Variants in TMEM117 observed in about 807,000 individuals in gnomAD.
The protein encoded by TMEM117 is transmembrane protein 117.
In TMEM117, 27 loss-of-function variants were observed where a neutral mutation model predicts 52.4. The observed-to-expected ratio is 0.51, with a 90% CI of 0.38 to 0.71. TMEM117 has a LOEUF of 0.71. TMEM117 is among the 30% of genes least tolerant of loss of function. TMEM117 has a pLI of 0.00. For synonymous variants in TMEM117, 215 were observed against 206.3 expected (o/e 1.04, Z -0.36); for missense variants, 556 against 630.5 (o/e 0.88, Z 1.26).
intron 5 of TMEM117, among the ~76,000 whole-genome samples, chr12:44,249,933 C>A (rs1950176979): frequency 6.6e-6 from 1 of 152,110 alleles, no homozygotes; most frequent in Non-Finnish European, 1.5e-5. Flanking sequence ...TGGGCATGGG[C>A]AAAGACTTCA....
intron 5 of TMEM117, among the ~76,000 whole-genome samples, chr12:44,297,987 A>C (rs1032562895): frequency 1.2e-4 from 18 of 152,178 alleles, no homozygotes; most frequent in Non-Finnish European, 2.5e-4. Context: ...TCGTGAGTCA[A>C]ATTCTTTTGA....
intron 5 of TMEM117, among the ~76,000 whole-genome samples, chr12:44,216,797 C>A (rs1258906745): frequency 2.0e-5 from 3 of 151,982 alleles, no homozygotes; most frequent in Non-Finnish European, 4.4e-5. Flanking sequence ...GTACTCTGTT[C>A]CATCCTGGAA....
intron 6 of TMEM117, among the ~76,000 whole-genome samples, chr12:44,331,208 T>C (rs1951266310): frequency 6.6e-6 from 1 of 151,774 alleles, no homozygotes; most frequent in African/African-American, 2.4e-5. Context: ...TCTTTTTTTC[T>C]CTTTTTTTTT....
At chr12:43,895,361 G>A (rs1944180995) in intron 2 of TMEM117, among the ~76,000 whole-genome samples, 1 of 152,166 alleles carries the variant, frequency 6.6e-6, no homozygotes, top group South Asian at 2.1e-4. Context: ...GTGTTCTGTG[G>A]TGTATATGTG....
At chr12:44,056,138 C>T (rs920432770) in intron 3 of TMEM117, among the ~76,000 whole-genome samples, 43 of 152,008 alleles carry the variant, frequency 2.8e-4, no homozygotes, top group Non-Finnish European at 4.7e-4. Flanking sequence ...CTTGCTCTGT[C>T]ACCCAGCCTG....
At chr12:43,833,188 T>A (rs1942992344), upstream of TMEM117, among the ~76,000 whole-genome samples, 1 of 152,202 alleles carries the variant, frequency 6.6e-6, no homozygotes, top group Non-Finnish European at 1.5e-5. Flanking sequence ...ATTCTTAAAA[T>A]TATTATTATA....
At chr12:44,140,008 C>T (rs1012801211) in intron 3 of TMEM117, among the ~76,000 whole-genome samples, 1 of 152,094 alleles carries the variant, frequency 6.6e-6, no homozygotes, top group Admixed American at 6.6e-5. Context: ...TTATCCAAAG[C>T]AGCAAAAATA....
rs2933345 is a variant in TMEM117, at chr12:44,103,747, T to C, written c.411-39778T>C. ...ACAAATGTTAAACTTGTATTATTTG[T>C]GGGAAAGTCACATGGCTGAGTCGAT... On this transcript the variant is annotated intron_variant, in intron 3 of 7. Coordinates refer to ENST00000266534, the MANE Select transcript of TMEM117 (RefSeq NM_032256.3). Among the ~76,000 whole-genome samples, 1,135 of 152,160 alleles carry C rather than the reference T, an allele frequency of 7.5e-3. 17 individuals are homozygous for C. Among genetic ancestry groups the C allele is most frequent in the African/African-American group, 0.027 (1,104 of 41,534 alleles).
rs369830601 is a variant in TMEM117, at chr12:44,289,656, G to A, written c.609-9924G>A. Among the ~76,000 whole-genome samples the A allele has an allele frequency of 2.8e-4, 42 of 149,362 alleles. No homozygotes were observed. In the South Asian group the frequency reaches 6.1e-3, roughly 22 times the overall value. On this transcript the variant is annotated intron_variant, in intron 5 of 7. Coordinates refer to ENST00000266534, the MANE Select transcript of TMEM117 (RefSeq NM_032256.3). ...CAACCTCCGCCTCTCAGGTTCAAGC[G>A]ATTCTCCTGCCTCAGCCTCCCGAGT...
Position 44,170,300 on chromosome 12 carries a change from G to T in TMEM117, c.510+26676G>T, listed in dbSNP as rs1240750668. Among the ~76,000 whole-genome samples, 21 of 111,580 alleles carry T rather than the reference G, an allele frequency of 1.9e-4. No individual in the cohort carries two copies. In the South Asian group the frequency reaches 7.5e-3, roughly 40 times the overall value. The allele number at this position is 111,580 out of a possible 152,430, so 73.2% of individuals were successfully genotyped here. Reference sequence around the variant, plus strand: ...CACACACTGGGGCCTGCTGGGGGGTGGGGGGAGGGGGGAGGGATAGCATTA... The same window carrying T: ...CACACACTGGGGCCTGCTGGGGGGTTGGGGGAGGGGGGAGGGATAGCATTA... On this transcript the variant is annotated intron_variant, in intron 4 of 7. Coordinates refer to ENST00000266534, the MANE Select transcript of TMEM117 (RefSeq NM_032256.3).
chr12:44,381,598 A>G (rs1394355407), intron 7 of TMEM117, among the ~76,000 whole-genome samples: 1 of 152,120 alleles, frequency 6.6e-6, no homozygotes, highest in Non-Finnish European at 1.5e-5. Flanking sequence ...AAGAATTCAC[A>G]CTGTTGGCAC....
intron 5 of TMEM117, among the ~76,000 whole-genome samples, chr12:44,265,500 G>A (rs1199189435): frequency 2.6e-5 from 4 of 152,284 alleles, no homozygotes. Flanking sequence ...TGGTTTGGGT[G>A]AGAGAGGGCA....
intron 3 of TMEM117, among the ~76,000 whole-genome samples, chr12:43,985,112 C>T (rs1485996649): frequency 6.6e-6 from 1 of 152,114 alleles, no homozygotes; most frequent in Non-Finnish European, 1.5e-5. Context: ...TCCTACATAT[C>T]TCTACATGCA....
chr12:44,162,771 A>C (rs1381320452), intron 4 of TMEM117, among the ~76,000 whole-genome samples: 1 of 152,228 alleles, frequency 6.6e-6, no homozygotes, highest in East Asian at 1.9e-4. Context: ...ATTTCATAAA[A>C]GTAGACTAAT....
intron 3 of TMEM117, among the ~76,000 whole-genome samples, chr12:44,126,970 A>C (rs1254848091): frequency 6.6e-6 from 1 of 152,246 alleles, no homozygotes; most frequent in Non-Finnish European, 1.5e-5. Context: ...CACAGGTATG[A>C]ACTCATGGAA....
intron 3 of TMEM117, among the ~76,000 whole-genome samples, chr12:43,985,418 G>A (rs1298597231): frequency 2.0e-5 from 3 of 151,976 alleles, no homozygotes; most frequent in African/African-American, 7.3e-5. Flanking sequence ...AAGAAACACT[G>A]AAAAACAAAA....
intron 6 of TMEM117, among the ~76,000 whole-genome samples, chr12:44,324,334 T>C (rs1034071579): frequency 6.6e-6 from 1 of 152,084 alleles, no homozygotes; most frequent in Non-Finnish European, 1.5e-5. Context: ...TCAATATCAT[T>C]ACTATGCTCT....
rs193120478 is a variant in TMEM117, at chr12:44,227,353, A to G, written c.608+15966A>G. 1.6e-3 allele frequency among the ~76,000 whole-genome samples: 238 copies of G among 152,152 alleles called. 1 individual carries two copies. The highest frequency in any genetic ancestry group is 2.2e-3 in the Non-Finnish European group (152 of 67,984). Reference sequence around the variant, plus strand: ...GTGGCATGTACCTGTAGTCCCAACTACTTGGGAGGCTGAGGTGAGCAGATC... The same window carrying G: ...GTGGCATGTACCTGTAGTCCCAACTGCTTGGGAGGCTGAGGTGAGCAGATC... On this transcript the variant is annotated intron_variant, in intron 5 of 7. Coordinates refer to ENST00000266534, the MANE Select transcript of TMEM117 (RefSeq NM_032256.3).
At chr12:43,897,224 A>G (rs1476210778) in intron 2 of TMEM117, among the ~76,000 whole-genome samples, 3 of 152,032 alleles carry the variant, frequency 2.0e-5, no homozygotes, top group African/African-American at 7.3e-5. Flanking sequence ...GCTTTCTTGA[A>G]ATGTTTCCTT....
Sources: gnomAD v4.1 joint callset for allele counts (sites outside exome capture counted in the v4.1 genomes callset) on GRCh38, gnomAD v4.1.1 for gene constraint, MANE v1.5 for transcripts, NCBI Gene and HGNC (gene_info 2026-07-23, HGNC 2026-07-21) for gene names.